WDR59: variants seen among roughly 807,000 people sequenced by gnomAD.
The protein encoded by WDR59 is WD repeat domain 59, also known as GATOR2 complex protein WDR59.
Under a neutral mutation model 131.2 loss-of-function variants are expected in WDR59, and 100 were observed. The ratio of observed to expected loss-of-function variants is 0.76; its 90% CI spans 0.65 to 0.90. The LOEUF is 0.90. WDR59 is among the 40% of genes least tolerant of loss of function. The pLI, the probability that WDR59 is intolerant of heterozygous loss-of-function variation, is 0.00. For synonymous variants in WDR59, 601 were observed against 466.2 expected, an observed-to-expected ratio of 1.29 and a Z score of -3.72; for missense variants, 1,203 against 1,262.2, an observed-to-expected ratio of 0.95 and a Z score of 0.71.
At chr16:74,897,258 G>C (rs574170824) in intron 18 of WDR59, among the ~76,000 whole-genome samples, 2 of 152,174 alleles carry the variant, frequency 1.3e-5, no homozygotes, top group Non-Finnish European at 2.9e-5. Flanking sequence ...GCTTCATAGC[G>C]GGGCAGGCCA....
chr16:74,980,134 T>C (rs1567449234), intron 1 of WDR59, among the ~76,000 whole-genome samples: 2 of 151,784 alleles, frequency 1.3e-5, no homozygotes, highest in East Asian at 2.0e-4. Flanking sequence ...GCTGGAGTTA[T>C]ACGCGTGAGC....
chr16:74,944,658 G>T (rs1399228196), intron 6 of WDR59, among the ~76,000 whole-genome samples: 2 of 151,828 alleles, frequency 1.3e-5, no homozygotes, highest in Non-Finnish European at 2.9e-5. Flanking sequence ...TACCACTCGG[G>T]GTATGCTAGA....
At chr16:74,984,831 G>A in intron 1 of WDR59, 133 bp downstream of exon 1, 1 of 1,346,356 alleles carries the variant, frequency 7.4e-7, no homozygotes, top group Non-Finnish European at 1.0e-6. Flanking sequence ...TAAGAGGTCG[G>A]CTAAGCCCCG....
intron 1 of WDR59, among the ~76,000 whole-genome samples, chr16:74,977,498 C>G (rs2034235357): frequency 6.6e-6 from 1 of 151,898 alleles, no homozygotes; most frequent in Non-Finnish European, 1.5e-5. Flanking sequence ...ACCATCCTGA[C>G]TAACACGGTG....
chr16:74,918,840 A>C (rs934014020), intron 10 of WDR59, among the ~76,000 whole-genome samples: 1 of 152,136 alleles, frequency 6.6e-6, no homozygotes, highest in South Asian at 2.1e-4. Flanking sequence ...GGGCAGGAAA[A>C]CAAGGGCCAG....
chr16:74,958,111 G>A (rs1486465401), intron 2 of WDR59, among the ~76,000 whole-genome samples: 1 of 152,144 alleles, frequency 6.6e-6, no homozygotes, highest in African/African-American at 2.4e-5. Context: ...AGACTTTACA[G>A]GGCAAATGTA....
intron 24 of WDR59, 98 bp downstream of exon 24, chr16:74,886,172 G>T: frequency 9.3e-7 from 1 of 1,078,908 alleles, no homozygotes. Context: ...GTAAGATTCT[G>T]TGTCCAAAAA....
intron 25 of WDR59, among the ~76,000 whole-genome samples, chr16:74,879,413 C>T (rs1014411275): frequency 3.3e-5 from 5 of 152,160 alleles, no homozygotes; most frequent in African/African-American, 7.2e-5. Flanking sequence ...CCAGGAGACA[C>T]TTGTCAGACT....
intron 1 of WDR59, among the ~76,000 whole-genome samples, chr16:74,981,660 A>ATATATATT (rs1567451007): frequency 3.7e-5 from 3 of 80,858 alleles, no homozygotes; most frequent in African/African-American, 1.5e-4. Flanking sequence ...ATATATATAT[A>ATATATATT]TTTTTTTTTT....
chr16:74,926,662 T>TA (rs2030841742), intron 8 of WDR59, among the ~76,000 whole-genome samples: 1 of 152,240 alleles, frequency 6.6e-6, no homozygotes, highest in Admixed American at 6.5e-5. Context: ...AATCTCTTAC[T>TA]AAACTTTAAA....
intron 1 of WDR59, among the ~76,000 whole-genome samples, chr16:74,970,494 CCAAAAAAAAAAAAAAAAAAAA>C (rs1567441773): frequency 6.7e-5 from 7 of 103,816 alleles, no homozygotes; most frequent in Non-Finnish European, 1.1e-4. Flanking sequence ...GACTCTGTCT[CCAAAAAAAAAAAAAAAAAAAA>C]AAAAAAAAAA....
chr16:74,960,286 G>A (rs963263077), intron 2 of WDR59, among the ~76,000 whole-genome samples: 7 of 151,140 alleles, frequency 4.6e-5, no homozygotes, highest in African/African-American at 7.3e-5. Flanking sequence ...AGCCGACATC[G>A]CGCCACTGCA....
rs148709064 is a variant in WDR59, at chr16:74,884,330, T to C, written c.2689+1323A>G. On this transcript the variant is annotated intron_variant, in intron 25 of 25. Coordinates refer to ENST00000262144, the MANE Select transcript of WDR59 (RefSeq NM_030581.4). ...TTCTTATGCCCTTGGAAGCTTACCA[T>C]TGGACTTGGATACAATTGAAATTCT... Among the ~76,000 whole-genome samples, 38 of 152,306 alleles carry C rather than the reference T, an allele frequency of 2.5e-4. 3 individuals are homozygous for C. Among genetic ancestry groups the C allele is most frequent in the African/African-American group, 7.5e-4 (31 of 41,572 alleles).
At chr16:74,967,259 C>G (rs559166823) in intron 1 of WDR59, among the ~76,000 whole-genome samples, 78 of 152,160 alleles carry the variant, frequency 5.1e-4, no homozygotes, top group Non-Finnish European at 9.0e-4. Flanking sequence ...GCACCAGAGT[C>G]AGGAGCAGAG....
intron 8 of WDR59, 21 bp from the exon 9 acceptor site, chr16:74,924,024 T>C: frequency 2.5e-6 from 4 of 1,610,418 alleles, no homozygotes; most frequent in Non-Finnish European, 3.4e-6. Flanking sequence ...GCAAGCAAGA[T>C]CATTTGTGAA....
At chr16:74,976,809 G>A (rs535559238) in intron 1 of WDR59, among the ~76,000 whole-genome samples, 124 of 152,230 alleles carry the variant, frequency 8.1e-4, no homozygotes, top group African/African-American at 3.0e-3. Flanking sequence ...TTTGAGCCCA[G>A]GAGTTCGAGA....
Position 74,888,244 on chromosome 16 carries a change from C to G in WDR59, c.2271G>C (p.Arg757=), listed in dbSNP as rs1567689684. The part of the protein sequence containing the change: ...MLCSVFEAQS[R]PQGLPNPFGP... ...CAAAGGGGTTTGGTAGCCCCTGAGG[C>G]CGAGACTGGGCTTCAAACACGCTAC... Residue 757 remains arginine, a synonymous_variant, in exon 22 of 26, where the codon CGG becomes CGC. Coordinates refer to ENST00000262144, the MANE Select transcript of WDR59 (RefSeq NM_030581.4). 6.2e-7 allele frequency: 1 copy of G among 1,614,114 alleles called. No individual in the cohort carries two copies. Among genetic ancestry groups the G allele is most frequent in the Admixed American group, 1.7e-5 (1 of 60,022 alleles).
At chr16:74,909,120 C>T in intron 16 of WDR59, 143 bp from the exon 17 acceptor site, 1 of 719,538 alleles carries the variant, frequency 1.4e-6, no homozygotes, top group Non-Finnish European at 2.4e-6. Context: ...CTCCTGACTG[C>T]AGTCACCCTT....
At chr16:74,950,002 C>T (rs367967806) in intron 4 of WDR59, 3 of 622,646 alleles carry the variant, frequency 4.8e-6, no homozygotes, top group East Asian at 3.4e-5. Flanking sequence ...GCCAGCTATA[C>T]CATCATCTGC....
Sources: allele counts gnomAD v4.1 joint callset (sites outside exome capture counted in the v4.1 genomes callset), GRCh38; gene constraint gnomAD v4.1.1; transcripts MANE v1.5; gene names NCBI Gene and HGNC (gene_info 2026-07-23, HGNC 2026-07-21).